Variants in TMEM123 observed in about 807,000 individuals in gnomAD.
The protein encoded by TMEM123 is transmembrane protein 123.
In TMEM123, 16 loss-of-function variants were observed where a neutral mutation model predicts 19.7. The ratio of observed to expected loss-of-function variants is 0.81; its 90% CI spans 0.55 to 1.23. The LOEUF (loss-of-function observed/expected upper bound fraction) is 1.23. Among genes scored for constraint, TMEM123 ranks in the 50% most tolerant of loss-of-function variants. TMEM123 has a pLI of 0.00. For synonymous variants in TMEM123, 118 were observed against 99.4 expected, an observed-to-expected ratio of 1.19 and a Z score of -1.12; for missense variants, 313 against 257.8, an observed-to-expected ratio of 1.21 and a Z score of -1.47.
At chr11:102,440,754 A>G (rs1469059545) in intron 2 of TMEM123, among the ~76,000 whole-genome samples, 1 of 152,220 alleles carries the variant, frequency 6.6e-6, no homozygotes, top group African/African-American at 2.4e-5. Flanking sequence ...AGACTGGCAA[A>G]TTGGATAAAG....
At chr11:102,400,907 AAAC>A (rs1212586847) in intron 4 of TMEM123, among the ~76,000 whole-genome samples, 1 of 152,206 alleles carries the variant, frequency 6.6e-6, no homozygotes, top group Non-Finnish European at 1.5e-5. Context: ...AGACTCAAAA[AAAC>A]AAAAACAAAA....
intron 2 of TMEM123, chr11:102,448,421 T>C (rs1392152294): frequency 2.7e-6 from 1 of 366,690 alleles, no homozygotes; most frequent in African/African-American, 2.1e-5. Flanking sequence ...TCAGCAGAGG[T>C]ATATTAAGGC....
chr11:102,419,793 GC>G (rs1952071039), intron 2 of TMEM123, among the ~76,000 whole-genome samples: 1 of 152,200 alleles, frequency 6.6e-6, no homozygotes, highest in African/African-American at 2.4e-5. Context: ...GGGTAGTTCT[GC>G]CTGCATTTCT....
intron 2 of TMEM123, among the ~76,000 whole-genome samples, chr11:102,414,498 T>C (rs1378107442): frequency 2.0e-5 from 3 of 152,224 alleles, no homozygotes; most frequent in African/African-American, 4.8e-5. Context: ...ACAGCAGACC[T>C]TTCTGCAGAA....
chr11:102,406,454 C>A (rs1243422110), intron 2 of TMEM123, among the ~76,000 whole-genome samples: 1 of 152,166 alleles, frequency 6.6e-6, no homozygotes, highest in Non-Finnish European at 1.5e-5. Context: ...CTCTATCTAC[C>A]CATCAGCTAA....
At chr11:102,414,141 CAAAG>C (rs1277844365) in intron 2 of TMEM123, among the ~76,000 whole-genome samples, 3 of 151,610 alleles carry the variant, frequency 2.0e-5, no homozygotes, top group South Asian at 2.1e-4. Flanking sequence ...CTCAGTCAGA[CAAAG>C]AAACAAAAAA....
chr11:102,433,677 G>A (rs1857734837), intron 2 of TMEM123, among the ~76,000 whole-genome samples: 1 of 151,816 alleles, frequency 6.6e-6, no homozygotes, highest in Non-Finnish European at 1.5e-5. Context: ...ATATGGTTTG[G>A]CTATGTCCCC....
intron 2 of TMEM123, among the ~76,000 whole-genome samples, chr11:102,436,735 T>TGC (rs1857766685): frequency 6.6e-6 from 1 of 152,220 alleles, no homozygotes; most frequent in African/African-American, 2.4e-5. Flanking sequence ...AAGTCATCAA[T>TGC]TTTAGTCTGA....
At chr11:102,404,527 G>A (rs1211972435) in intron 2 of TMEM123, among the ~76,000 whole-genome samples, 3 of 151,984 alleles carry the variant, frequency 2.0e-5, no homozygotes, top group African/African-American at 7.3e-5. Context: ...CAGGTGATCC[G>A]CCCACCTCAG....
rs779358651 is a variant in TMEM123 at position 102,434,931 on chromosome 11, CTT to C, written c.157+13879_157+13880del. 1.4e-4 allele frequency among the ~76,000 whole-genome samples: 22 copies of C among 152,012 alleles called. No individual in the cohort carries two copies. In the East Asian group the frequency reaches 3.7e-3, roughly 25 times the overall value. ...GATGGGAACTCTTAAAATCTACTCT[CTT>C]AACAATTTTCAAGTATACAACATAT... On this transcript the variant is annotated intron_variant, in intron 2 of 4. Coordinates refer to ENST00000398136, the MANE Select transcript of TMEM123 (RefSeq NM_052932.3).
rs1302269820 is a variant in TMEM123 at position 102,427,860 on chromosome 11, C to T, written c.157+20952G>A. On this transcript the variant is annotated intron_variant, in intron 2 of 4. Transcript: ENST00000398136. ...TTCAATTAAAAAAAAAAAAATTCTA[C>T]AGAAATAGAATGAAAATGTAAACAT... Among the ~76,000 whole-genome samples, 3 of 151,204 alleles carry T rather than the reference C, an allele frequency of 2.0e-5. No homozygotes were observed. The East Asian group carries it at 5.9e-4, about 30-fold the overall frequency.
intron 2 of TMEM123, among the ~76,000 whole-genome samples, chr11:102,416,237 A>G (rs144891381): frequency 3.0e-4 from 46 of 152,334 alleles, no homozygotes; most frequent in African/African-American, 9.4e-4. Context: ...TATTTGAAAG[A>G]ATAAATAAGA....
intron 2 of TMEM123, among the ~76,000 whole-genome samples, chr11:102,412,547 AAAGT>A (rs1298171339): frequency 1.3e-5 from 2 of 152,234 alleles, no homozygotes; most frequent in Non-Finnish European, 1.5e-5. Context: ...AAAAGTATTG[AAAGT>A]AAGAGTAAAG....
intron 2 of TMEM123, among the ~76,000 whole-genome samples, chr11:102,417,443 A>T (rs149594778): frequency 4.9e-4 from 74 of 152,328 alleles, no homozygotes; most frequent in African/African-American, 1.7e-3. Flanking sequence ...CTAGGAATAC[A>T]GTTAACCAGG....
chr11:102,402,829 C>G (rs1306346013), intron 2 of TMEM123, among the ~76,000 whole-genome samples: 1 of 152,170 alleles, frequency 6.6e-6, no homozygotes, highest in Non-Finnish European at 1.5e-5. Flanking sequence ...AAGGACAGTT[C>G]TAAAACTATC....
At position 102,401,900 on chromosome 11, in the gene TMEM123, C is replaced by G. The variant is rs755295454; in HGVS notation, c.448+16G>C. The stretch of plus-strand genomic sequence containing the variant: ...ACTTGCAGCATAGGAAAAAAAAGGT[C>G]AGCTTTAATACATACTTGTTACTGA... On this transcript the variant is annotated intron_variant, in intron 3 of 4. Coordinates refer to ENST00000398136, the MANE Select transcript of TMEM123 (RefSeq NM_052932.3). The G allele has an allele frequency of 1.2e-5, 20 of 1,602,782 alleles. No homozygotes were observed. In the South Asian group the frequency reaches 2.0e-4, roughly 16 times the overall value.
intron 2 of TMEM123, among the ~76,000 whole-genome samples, chr11:102,415,033 G>C (rs1952033145): frequency 6.6e-6 from 1 of 152,160 alleles, no homozygotes; most frequent in African/African-American, 2.4e-5. Flanking sequence ...AAAAACAACA[G>C]AGGTTGCTAT....
chr11:102,421,341 A>G (rs1952085580), intron 2 of TMEM123, among the ~76,000 whole-genome samples: 2 of 152,224 alleles, frequency 1.3e-5, no homozygotes, highest in African/African-American at 4.8e-5. Context: ...ATATTTTGAA[A>G]TAACATTATT....
At chr11:102,422,975 A>G (rs1952098930) in intron 2 of TMEM123, among the ~76,000 whole-genome samples, 1 of 152,196 alleles carries the variant, frequency 6.6e-6, no homozygotes, top group African/African-American at 2.4e-5. Context: ...TAGTTACAGG[A>G]GAGCTACCTC....
Sources: gnomAD v4.1 joint callset for allele counts (sites outside exome capture counted in the v4.1 genomes callset) on GRCh38, gnomAD v4.1.1 for gene constraint, MANE v1.5 for transcripts, NCBI Gene and HGNC (gene_info 2026-07-23, HGNC 2026-07-21) for gene names.